The following RNF103 variants were observed in gnomAD, a reference collection of about 807,000 sequenced individuals.
RNF103 encodes the protein E3 ubiquitin-protein ligase RNF103.
Under a neutral mutation model 66.2 loss-of-function variants are expected in RNF103, and 23 were observed. The ratio of observed to expected loss-of-function variants is 0.35; its 90% confidence interval spans 0.25 to 0.49. The LOEUF (loss-of-function observed/expected upper bound fraction) is 0.49, where lower values mean the gene tolerates loss of function less well. Among genes scored for constraint, RNF103 ranks in the 20% least tolerant of loss-of-function variants. RNF103 has a pLI of 0.98. For missense variants in RNF103, 730 were observed against 814.7 expected (o/e 0.90, Z 1.27); for synonymous variants, 297 against 289.9 (o/e 1.02, Z -0.25).
chr2:86,604,336 A>G lies in RNF103; in HGVS notation c.1565T>C (p.Val522Ala). The G allele has an allele frequency of 6.2e-7, 1 of 1,614,078 alleles. No homozygotes were observed. Among genetic ancestry groups the G allele is most frequent in the Non-Finnish European group, 8.5e-7 (1 of 1,180,014 alleles). Residue 522 changes from valine (V) to alanine (A), a missense_variant, in exon 4 of 4, where the codon GTC becomes GCC. Transcript: ENST00000237455. ...LPMWRFKCLG[V>A]QSEEEMSEGS... ...CTCCGACATTTCCTCTTCAGACTGG[A>G]CTCCAAGACATTTAAATCGCCACAT... is the stretch of plus-strand genomic sequence containing the variant.
At chr2:86,620,053 A>T (rs1402895346) in intron 2 of RNF103, among the ~76,000 whole-genome samples, 1 of 152,210 alleles carries the variant, frequency 6.6e-6, no homozygotes, top group African/African-American at 2.4e-5. Context: ...TCTCAATTCA[A>T]CAAAGGTCCA....
chr2:86,620,258 G>T, intron 2 of RNF103, 72 bp downstream of exon 2: 1 of 1,469,824 alleles, frequency 6.8e-7, no homozygotes, highest in South Asian at 1.4e-5. Flanking sequence ...GTCACTGGCT[G>T]GTACATACTA....
rs1320085193 is a variant in RNF103 at position 86,615,298 on chromosome 2, C to T, written c.367-3024G>A. On this transcript the variant is annotated intron_variant, in intron 2 of 3. Coordinates refer to ENST00000237455, the MANE Select transcript of RNF103 (RefSeq NM_005667.4). Reference sequence around the variant, plus strand: ...AAATCTTGTAGGCATTGCATGAAAGCATTTTATATTACTTTATAGTTATAT... The same window carrying T: ...AAATCTTGTAGGCATTGCATGAAAGTATTTTATATTACTTTATAGTTATAT... The T allele has an allele frequency of 3.5e-6, 3 of 868,726 alleles. No homozygotes were observed. In the South Asian group the frequency reaches 1.6e-4, roughly 46 times the overall value. The allele number at this position is 868,726 out of a possible 1,614,324, so 53.8% of individuals were successfully genotyped here. A position where few individuals can be genotyped will look rare whatever the true frequency, so the allele number is the denominator to read the frequency against.
chr2:86,609,165 G>A (rs191963576), intron 3 of RNF103, among the ~76,000 whole-genome samples: 14 of 152,254 alleles, frequency 9.2e-5, no homozygotes, highest in African/African-American at 3.4e-4. Context: ...GACTGAATTA[G>A]TTCTTGTGGA....
chr2:86,605,972 G>A (rs919892419), intron 3 of RNF103, among the ~76,000 whole-genome samples: 28 of 152,238 alleles, frequency 1.8e-4, no homozygotes, highest in African/African-American at 6.5e-4. Flanking sequence ...CTCCTTGAGG[G>A]TAGGAGTCAT....
chr2:86,616,175 G>C (rs1035968175), intron 2 of RNF103, among the ~76,000 whole-genome samples: 1 of 152,126 alleles, frequency 6.6e-6, no homozygotes, highest in East Asian at 1.9e-4. Context: ...ATTATTTAGA[G>C]GTGAGGTTTA....
At position 86,622,642 on chromosome 2, in the gene RNF103, G is replaced by A. The variant is rs773222680; in HGVS notation, c.226+19C>T. Reference sequence around the variant, plus strand: ...CCTCTCCCAGGTGGAGGGGACCCTAGGGGAAGCCCGATACTCGCCTGACTT... The same window carrying A: ...CCTCTCCCAGGTGGAGGGGACCCTAAGGGAAGCCCGATACTCGCCTGACTT... On this transcript the variant is annotated intron_variant, in intron 1 of 3. Coordinates refer to ENST00000237455, the MANE Select transcript of RNF103 (RefSeq NM_005667.4). The A allele has an allele frequency of 9.3e-6, 15 of 1,613,334 alleles. No homozygotes were observed. In the East Asian group the frequency reaches 2.0e-4, roughly 22 times the overall value.
At chr2:86,610,067 A>G (rs966263802) in intron 3 of RNF103, among the ~76,000 whole-genome samples, 1 of 152,236 alleles carries the variant, frequency 6.6e-6, no homozygotes. Flanking sequence ...TTCTATGGCA[A>G]GAACAATTCT....
intron 3 of RNF103, among the ~76,000 whole-genome samples, chr2:86,607,987 ATTACC>A (rs1411836424): frequency 1.3e-5 from 2 of 152,260 alleles, no homozygotes; most frequent in Non-Finnish European, 2.9e-5. Context: ...ATAAGGTTGT[ATTACC>A]TTACATCAAT....
chr2:86,613,450 G>A (rs1336661208), intron 2 of RNF103: 1 of 152,224 alleles, frequency 6.6e-6, no homozygotes, highest in East Asian at 1.9e-4. Context: ...AATGTCTAAA[G>A]TCATCATGAA....
Position 86,623,834 on chromosome 2 carries a change from A to C in RNF103, c.-948T>G. On this transcript the variant is annotated 5_prime_UTR_variant, in exon 1 of 4. Transcript: ENST00000237455. ...GCCGTACCCTCCACAACCGTGTATC[A>C]GCGGCGGCCGCGGCCGGAGCCGAGA... 1 of 1,287,900 alleles carries C rather than the reference A, an allele frequency of 7.8e-7. No individual in the cohort carries two copies. Among genetic ancestry groups the C allele is most frequent in the Non-Finnish European group, 1.0e-6 (1 of 988,314 alleles). 79.8% of individuals were successfully genotyped at this position (1,287,900 alleles called of 1,614,324 possible).
chr2:86,615,379 G>A, intron 2 of RNF103: 5 of 329,106 alleles, frequency 1.5e-5, no homozygotes, highest in Non-Finnish European at 2.2e-5. Context: ...TCAACTGAAG[G>A]TTTAGCATAA....
chr2:86,620,998 T>C (rs549429524), intron 1 of RNF103, among the ~76,000 whole-genome samples: 1 of 152,178 alleles, frequency 6.6e-6, no homozygotes, highest in Non-Finnish European at 1.5e-5. Flanking sequence ...CATATTCATA[T>C]ACAAATTTAT....
chr2:86,623,782 ACACCCCCGC>A lies in RNF103; in HGVS notation c.-905_-897del, dbSNP rs1418962109. ...GTGCCGGTCGCAGCACCCGTCCCCA[ACACCCCCGC>A]CACCTCCGGAGACCGCGGCCGTACC... is the stretch of plus-strand genomic sequence containing the variant. On this transcript the variant is annotated 5_prime_UTR_variant, in exon 1 of 4. Transcript: ENST00000237455. The A allele has an allele frequency of 7.8e-7, 1 of 1,282,440 alleles. No homozygotes were observed. The highest frequency in any genetic ancestry group is 1.0e-6 in the Non-Finnish European group (1 of 986,300). The allele number at this position is 1,282,440 out of a possible 1,614,324, so 79.4% of individuals were successfully genotyped here. A position where few individuals can be genotyped will look rare whatever the true frequency, so the allele number is the denominator to read the frequency against.
chr2:86,622,912 A>T lies in RNF103; in HGVS notation c.-26T>A. ...CTTCCCTGGAGTTTCCTCTCTTTCCAGAGAGCTCGGAATACGGGAGAGAGA... is the reference window on the plus strand; with the variant it reads ...CTTCCCTGGAGTTTCCTCTCTTTCCTGAGAGCTCGGAATACGGGAGAGAGA... On this transcript the variant is annotated 5_prime_UTR_variant, in exon 1 of 4. Coordinates refer to ENST00000237455, the MANE Select transcript of RNF103 (RefSeq NM_005667.4). 6.4e-7 allele frequency: 1 copy of T among 1,564,068 alleles called. No individual in the cohort carries two copies. Among genetic ancestry groups the T allele is most frequent in the East Asian group, 2.4e-5 (1 of 41,802 alleles).
At chr2:86,613,855 A>G (rs1335233523) in intron 2 of RNF103, 2 of 152,240 alleles carry the variant, frequency 1.3e-5, no homozygotes, top group East Asian at 3.8e-4. Flanking sequence ...ACGTGCATAC[A>G]TAACATCTTA....
Position 86,612,235 on chromosome 2 carries a change from G to A in RNF103, c.406C>T (p.His136Tyr), listed in dbSNP as rs772553951. The change falls in exon 3 of 4, where the codon CAC (histidine) becomes TAC (tyrosine). Residue 136 changes from histidine (H) to tyrosine (Y), a missense_variant. Physicochemically the swap from His to Tyr is moderately conservative, Grantham distance 83. Around this residue, in one of 3 missense-constraint regions of RNF103, gnomAD observed 327 missense variants for 369.8 expected, o/e 0.88. Coordinates refer to ENST00000237455, the MANE Select transcript of RNF103 (RefSeq NM_005667.4). ...NDRSPLVGKI[H>Y]WEKMVKKVSR... is the part of the protein sequence containing the mutation. ...ACCTTTTTAACCATTTTCTCCCAGT[G>A]AATTTTGCCCACCAAGGGACTTCTG... 23 of 1,613,362 alleles carry A rather than the reference G, an allele frequency of 1.4e-5. No homozygotes were observed. Among genetic ancestry groups the A allele is most frequent in the Non-Finnish European group, 1.9e-5 (23 of 1,179,762 alleles).
intron 3 of RNF103, among the ~76,000 whole-genome samples, chr2:86,611,893 G>C (rs1427423511): frequency 6.6e-6 from 1 of 152,224 alleles, no homozygotes; most frequent in East Asian, 1.9e-4. Flanking sequence ...AATCTTAAGA[G>C]ATATCTTCAA....
chr2:86,606,051 CAAGAA>C (rs1678532526), intron 3 of RNF103, among the ~76,000 whole-genome samples: 1 of 152,106 alleles, frequency 6.6e-6, no homozygotes, highest in South Asian at 2.1e-4. Context: ...AAAAGCCAAC[CAAGAA>C]AAGAGCAACA....
Sources: allele counts gnomAD v4.1 joint callset (sites outside exome capture counted in the v4.1 genomes callset), GRCh38; gene constraint gnomAD v4.1.1; regional missense constraint gnomAD v4.1.1; transcripts MANE v1.5; gene names NCBI Gene and HGNC (gene_info 2026-07-23, HGNC 2026-07-21).